The following RFX7 variants were observed in gnomAD, a reference collection of about 807,000 sequenced individuals.
RFX7 encodes DNA-binding protein RFX7.
A neutral mutation model predicts 111.8 loss-of-function variants in RFX7; 26 were observed. That is an observed-to-expected ratio of 0.23 (90% CI 0.17 to 0.32). The LOEUF is 0.32. Ranked by LOEUF, RFX7 falls within the 10% of genes least tolerant of loss-of-function variation. RFX7 has a pLI of 1.00. For missense variants in RFX7, 1,573 were observed against 1,772.9 expected (o/e 0.89, Z 2.02); for synonymous variants, 624 against 624.4 (o/e 1.00, Z 0.01).
intron 3 of RFX7, among the ~76,000 whole-genome samples, chr15:56,154,889 A>G (rs1327574580): frequency 2.0e-5 from 3 of 152,222 alleles, no homozygotes; most frequent in African/African-American, 7.2e-5. Context: ...TCCACCTGAC[A>G]AAGGACTAAT....
chr15:56,244,733 C>T (rs2043802017), upstream of RFX7, among the ~76,000 whole-genome samples: 1 of 152,102 alleles, frequency 6.6e-6, no homozygotes, highest in African/African-American at 2.4e-5. Context: ...GTAGTACTCA[C>T]AACATGGAGG....
chr15:56,173,889 T>C (rs1193336274), intron 3 of RFX7, among the ~76,000 whole-genome samples: 1 of 151,636 alleles, frequency 6.6e-6, no homozygotes, highest in Non-Finnish European at 1.5e-5. Context: ...GATAAGATGA[T>C]AGAGAAAATG....
intron 3 of RFX7, among the ~76,000 whole-genome samples, chr15:56,157,098 C>T (rs1230621887): frequency 1.3e-5 from 2 of 152,192 alleles, no homozygotes; most frequent in African/African-American, 2.4e-5. Context: ...ATTTATCAGG[C>T]AGTCTGGATA....
In RFX7 at chr15:56,090,260, A is replaced by G. The variant is rs1384911314; in HGVS notation, c.*3085T>C. On this transcript the variant is annotated 3_prime_UTR_variant, in exon 10 of 10. Transcript: ENST00000559447. ...ACATTTAAACACTATGTGAAAGAGA[A>G]AAAGATGGCTTTTTGGACAACATAA... is the stretch of plus-strand genomic sequence containing the variant. 2.0e-5 allele frequency: 3 copies of G among 152,222 alleles called. No individual in the cohort carries two copies. The highest frequency in any genetic ancestry group is 7.2e-5 in the African/African-American group (3 of 41,476). The allele number at this position is 152,222 out of a possible 1,614,324, so 9.4% of individuals were successfully genotyped here.
At position 56,142,899 on chromosome 15, in the gene RFX7, C is replaced by T. The variant is rs1446182155; in HGVS notation, c.280G>A (p.Asp94Asn). Residue 94 changes from aspartate (D) to asparagine (N), a missense_variant and splice_region_variant, in exon 5 of 10, where the codon GAT (aspartate) becomes AAT (asparagine). This residue lies in a region of RFX7 where 191 missense variants were observed against 194.2 expected (regional missense o/e 0.98). Coordinates refer to ENST00000559447, the MANE Select transcript of RFX7 (RefSeq NM_022841.7). ...CGACTAGATGACATGGCATTCTGATCACTAATAGAATGAAAACATGTTTTA... is the reference window on the plus strand; with the variant it reads ...CGACTAGATGACATGGCATTCTGATTACTAATAGAATGAAAACATGTTTTA... Reference protein sequence around the residue: ...PSGLSNGEKSDQNAMSSSRAQ... With the variant: ...PSGLSNGEKSNQNAMSSSRAQ... The T allele has an allele frequency of 3.1e-6, 5 of 1,613,156 alleles. No individual in the cohort carries two copies. The highest frequency in any genetic ancestry group is 1.6e-4 in the Middle Eastern group (1 of 6,080).
intron 5 of RFX7, among the ~76,000 whole-genome samples, chr15:56,109,985 G>A (rs1161269987): frequency 2.2e-4 from 30 of 136,648 alleles, no homozygotes; most frequent in African/African-American, 6.4e-4. Context: ...CCCCCTGCCC[G>A]GCCAGCCGCC....
intron 3 of RFX7, among the ~76,000 whole-genome samples, chr15:56,152,007 C>T (rs901338491): frequency 7.9e-5 from 12 of 152,322 alleles, no homozygotes; most frequent in African/African-American, 2.6e-4. Flanking sequence ...GAAGAGCTAA[C>T]TATCCTAAAT....
chr15:56,158,547 G>T (rs2042682173), intron 3 of RFX7, among the ~76,000 whole-genome samples: 2 of 152,070 alleles, frequency 1.3e-5, no homozygotes, highest in Non-Finnish European at 2.9e-5. Context: ...ACCCAGGCTG[G>T]AGGGCAGTGG....
At chr15:56,164,054 C>T (rs1330510549) in intron 3 of RFX7, among the ~76,000 whole-genome samples, 1 of 152,204 alleles carries the variant, frequency 6.6e-6, no homozygotes, top group African/African-American at 2.4e-5. Context: ...TTAAAGAGTG[C>T]ATGTCATGTT....
intron 2 of RFX7, among the ~76,000 whole-genome samples, chr15:56,209,091 A>G (rs1227077611): frequency 6.6e-6 from 1 of 152,084 alleles, no homozygotes; most frequent in Non-Finnish European, 1.5e-5. Context: ...TGTCAAAAGC[A>G]AAACAAAACA....
chr15:56,110,162 G>A (rs1488131562), intron 5 of RFX7, among the ~76,000 whole-genome samples: 3 of 129,558 alleles, frequency 2.3e-5, no homozygotes, highest in South Asian at 2.6e-4. Context: ...CCCCCGCCTG[G>A]CCAGCCGCCC....
intron 3 of RFX7, among the ~76,000 whole-genome samples, chr15:56,148,800 G>C (rs1032153627): frequency 2.6e-5 from 4 of 152,090 alleles, no homozygotes; most frequent in African/African-American, 9.7e-5. Flanking sequence ...TCAATGTGTC[G>C]GCCGGGGGCA....
chr15:56,117,801 G>C (rs1245245214), intron 5 of RFX7, among the ~76,000 whole-genome samples: 2 of 152,044 alleles, frequency 1.3e-5, no homozygotes, highest in African/African-American at 4.8e-5. Context: ...GCAAGTGACA[G>C]GATCTTATTT....
At chr15:56,239,290 C>T (rs552827330) in intron 2 of RFX7, among the ~76,000 whole-genome samples, 5 of 150,410 alleles carry the variant, frequency 3.3e-5, no homozygotes, top group Admixed American at 6.6e-5. Flanking sequence ...TTTTTTTTAA[C>T]GGAGTTTTGC....
In RFX7 at chr15:56,093,432, A is replaced by G. The variant is rs1353699524; in HGVS notation, c.4296T>C (p.Ile1432=). The change falls in exon 10 of 10, where the codon ATT becomes ATC. Residue 1432 remains isoleucine (I), a synonymous_variant. Coordinates refer to ENST00000559447, the MANE Select transcript of RFX7 (RefSeq NM_022841.7). Reference sequence around the variant, plus strand: ...TCATAGAATTCATGGATTCACTGCAAATTTGTTGAAATAATGGGTCATTCT... The same window carrying G: ...TCATAGAATTCATGGATTCACTGCAGATTTGTTGAAATAATGGGTCATTCT... ...ELKNDPLFQQ[I]CSESMNSMTS... 5.0e-6 allele frequency: 8 copies of G among 1,613,604 alleles called. No individual in the cohort carries two copies. Among genetic ancestry groups the G allele is most frequent in the African/African-American group, 4.0e-5 (3 of 74,890 alleles).
chr15:56,162,224 A>G lies in RFX7; in HGVS notation c.195+17046T>C, dbSNP rs188538476. On this transcript the variant is annotated intron_variant, in intron 3 of 9. Transcript: ENST00000559447. ...CTGGATTCTTCAAGATTACAAAGTT[A>G]CAGCCTTAACAAACAGGTAGGCCAT... 2.6e-4 allele frequency among the ~76,000 whole-genome samples: 40 copies of G among 152,240 alleles called. 1 individual carries two copies. In the East Asian group the frequency reaches 7.7e-3, roughly 29 times the overall value.
intron 8 of RFX7, 24 bp downstream of exon 8, chr15:56,101,335 A>G: frequency 6.5e-7 from 1 of 1,539,926 alleles, no homozygotes. Flanking sequence ...GTCAGTTTTT[A>G]GCTTGTTCAC....
intron 3 of RFX7, among the ~76,000 whole-genome samples, chr15:56,154,968 G>T (rs1039536412): frequency 2.0e-5 from 3 of 152,034 alleles, no homozygotes; most frequent in Non-Finnish European, 4.4e-5. Context: ...TGGGCAAAGG[G>T]TATGAACAGA....
At chr15:56,225,058 C>G (rs1215775744) in intron 2 of RFX7, among the ~76,000 whole-genome samples, 1 of 152,224 alleles carries the variant, frequency 6.6e-6, no homozygotes, top group East Asian at 1.9e-4. Flanking sequence ...AGAACAAGAA[C>G]AGCAGTAACA....
Sources: gnomAD v4.1 joint callset for allele counts (sites outside exome capture counted in the v4.1 genomes callset) on GRCh38, gnomAD v4.1.1 for gene constraint, gnomAD v4.1.1 regional missense constraint, MANE v1.5 for transcripts, NCBI Gene and HGNC (gene_info 2026-07-23, HGNC 2026-07-21) for gene names.